Variants in ETV6 observed in about 807,000 individuals in gnomAD.
ETV6 encodes the protein ETS variant transcription factor 6.
In ETV6, 16 loss-of-function variants were observed where a neutral mutation model predicts 51.1. The ratio of observed to expected loss-of-function variants is 0.31; its 90% CI spans 0.21 to 0.48. The LOEUF (loss-of-function observed/expected upper bound fraction) is 0.48, where lower values mean the gene tolerates loss of function less well. Among genes scored for constraint, ETV6 ranks in the 20% least tolerant of loss-of-function variants. The pLI is 0.99. For missense variants in ETV6, 458 were observed against 594.8 expected, an observed-to-expected ratio of 0.77 and a Z score of 2.39; for synonymous variants, 240 against 224.1, an observed-to-expected ratio of 1.07 and a Z score of -0.64.
intron 1 of ETV6, among the ~76,000 whole-genome samples, chr12:11,749,056 A>G (rs1418605113): frequency 2.6e-5 from 4 of 152,114 alleles, no homozygotes; most frequent in Non-Finnish European, 2.9e-5. Flanking sequence ...CCTTTTGTTC[A>G]GCTGGTTGGC....
At chr12:11,763,643 C>T (rs992739536) in intron 2 of ETV6, among the ~76,000 whole-genome samples, 10 of 152,214 alleles carry the variant, frequency 6.6e-5, no homozygotes, top group Non-Finnish European at 8.8e-5. Flanking sequence ...TCGTTGGGAT[C>T]GTCTTATAGC....
At chr12:11,855,738 C>T (rs1048453632) in intron 4 of ETV6, among the ~76,000 whole-genome samples, 8 of 152,178 alleles carry the variant, frequency 5.3e-5, no homozygotes, top group Non-Finnish European at 7.3e-5. Flanking sequence ...ATTTCGTGCA[C>T]GCTCCCTGCC....
At chr12:11,701,242 A>C (rs1864976079) in intron 1 of ETV6, among the ~76,000 whole-genome samples, 1 of 152,136 alleles carries the variant, frequency 6.6e-6, no homozygotes, top group South Asian at 2.1e-4. Flanking sequence ...GAACTTTTAC[A>C]TCGTCCCCAG....
chr12:11,708,065 G>A (rs1157227610), intron 1 of ETV6, among the ~76,000 whole-genome samples: 1 of 152,200 alleles, frequency 6.6e-6, no homozygotes, highest in East Asian at 1.9e-4. Flanking sequence ...GTTCTGTTAT[G>A]CTTCCCTCTG....
At chr12:11,753,829 C>T (rs1220664507) in intron 2 of ETV6, among the ~76,000 whole-genome samples, 3 of 152,232 alleles carry the variant, frequency 2.0e-5, no homozygotes, top group African/African-American at 4.8e-5. Context: ...CAGCTTGCTG[C>T]GTCCATCAGT....
intron 5 of ETV6, among the ~76,000 whole-genome samples, chr12:11,877,265 A>T (rs1947004562): frequency 1.3e-5 from 2 of 150,956 alleles, no homozygotes; most frequent in South Asian, 4.2e-4. Flanking sequence ...ACAGTGTTTA[A>T]TGCTGCTGTG....
intron 1 of ETV6, among the ~76,000 whole-genome samples, chr12:11,750,293 G>A (rs1391900443): frequency 6.6e-6 from 1 of 152,226 alleles, no homozygotes; most frequent in Non-Finnish European, 1.5e-5. Flanking sequence ...GTAATAGCTA[G>A]CCAGACTCTT....
intron 2 of ETV6, among the ~76,000 whole-genome samples, chr12:11,790,979 C>A (rs1945578933): frequency 6.6e-6 from 1 of 152,136 alleles, no homozygotes; most frequent in Non-Finnish European, 1.5e-5. Flanking sequence ...TTGCGCCCGG[C>A]CAGAGCTTAA....
chr12:11,709,764 A>T (rs1271345487), intron 1 of ETV6, among the ~76,000 whole-genome samples: 1 of 152,250 alleles, frequency 6.6e-6, no homozygotes, highest in Non-Finnish European at 1.5e-5. Flanking sequence ...AGGCCTGAAT[A>T]GAACCGAAGA....
At chr12:11,692,959 G>A (rs1369951362) in intron 1 of ETV6, among the ~76,000 whole-genome samples, 1 of 152,154 alleles carries the variant, frequency 6.6e-6, no homozygotes, top group Non-Finnish European at 1.5e-5. Flanking sequence ...AGAATCACCT[G>A]AGCCCAGGAG....
At chr12:11,822,413 G>A (rs1391681468) in intron 2 of ETV6, among the ~76,000 whole-genome samples, 5 of 152,064 alleles carry the variant, frequency 3.3e-5, no homozygotes, top group African/African-American at 7.2e-5. Context: ...CCCCTTTCCC[G>A]CACACTCTCT....
intron 1 of ETV6, among the ~76,000 whole-genome samples, chr12:11,696,756 C>T (rs1864886101): frequency 1.3e-5 from 2 of 152,106 alleles, no homozygotes; most frequent in African/African-American, 2.4e-5. Flanking sequence ...ATGGAGGTTG[C>T]AGTGAGCTGA....
intron 1 of ETV6, among the ~76,000 whole-genome samples, chr12:11,667,342 C>T (rs564314024): frequency 2.0e-5 from 3 of 152,282 alleles, no homozygotes; most frequent in African/African-American, 7.2e-5. Context: ...AAGCCATTTC[C>T]TTCCCCTTCT....
intron 1 of ETV6, among the ~76,000 whole-genome samples, chr12:11,738,868 C>G (rs1364106370): frequency 6.6e-6 from 1 of 152,130 alleles, no homozygotes; most frequent in Admixed American, 6.5e-5. Context: ...CAAAAGAGTG[C>G]CCCGAGCTCT....
chr12:11,840,908 A>G, intron 3 of ETV6: 1 of 169,178 alleles, frequency 5.9e-6, no homozygotes. Flanking sequence ...TCCCTTTTCT[A>G]TTCCAGTGGA....
At chr12:11,655,702 TA>T (rs1289312399) in intron 1 of ETV6, among the ~76,000 whole-genome samples, 11 of 152,246 alleles carry the variant, frequency 7.2e-5, no homozygotes, top group Non-Finnish European at 1.6e-4. Context: ...ATTTGTTTGA[TA>T]ACCTTTTCTT....
intron 1 of ETV6, among the ~76,000 whole-genome samples, chr12:11,658,540 C>T (rs949744898): frequency 6.6e-6 from 1 of 152,182 alleles, no homozygotes; most frequent in Admixed American, 6.5e-5. Flanking sequence ...CGGCCCCCGG[C>T]CAGGGATGTT....
At chr12:11,680,784 CTCTCCCTAGCCTG>C (rs1555113680) in intron 1 of ETV6, among the ~76,000 whole-genome samples, 7 of 152,172 alleles carry the variant, frequency 4.6e-5, no homozygotes, top group Non-Finnish European at 1.0e-4. Flanking sequence ...TAAAGCAGCC[CTCTCCCTAGCCTG>C]TCTCCCTCTA....
chr12:11,831,270 G>A (rs888972264), intron 2 of ETV6, among the ~76,000 whole-genome samples: 2 of 152,212 alleles, frequency 1.3e-5, no homozygotes, highest in Non-Finnish European at 2.9e-5. Flanking sequence ...CTGTTGCCCA[G>A]GCTGGAGTGC....
Sources: allele counts gnomAD v4.1 joint callset (sites outside exome capture counted in the v4.1 genomes callset), GRCh38; gene constraint gnomAD v4.1.1; transcripts MANE v1.5; gene names NCBI Gene and HGNC (gene_info 2026-07-23, HGNC 2026-07-21).